Variants in CHD8 observed in about 807,000 individuals in gnomAD.
CHD8 encodes the protein ATP-dependent chromatin remodeler CHD8.
Under a neutral mutation model 279.2 loss-of-function variants are expected in CHD8, and 31 were observed. That is an observed-to-expected ratio of 0.11 (90% confidence interval 0.08 to 0.15). The LOEUF (loss-of-function observed/expected upper bound fraction) is 0.15. Among genes scored for constraint, CHD8 ranks in the 10% least tolerant of loss-of-function variants. CHD8 has a pLI of 1.00. For missense variants in CHD8, 2,146 were observed against 3,230.5 expected (o/e 0.66, Z 8.14); for synonymous variants, 1,081 against 1,139.6 (o/e 0.95, Z 1.04).
intron 1 of CHD8, among the ~76,000 whole-genome samples, chr14:21,441,746 G>A (rs932765316): frequency 1.1e-4 from 17 of 152,062 alleles, no homozygotes; most frequent in South Asian, 2.1e-4. Flanking sequence ...AAAATTAGCT[G>A]GGCGTGGTGG....
rs1887847251 is a variant in CHD8 at position 21,397,639 on chromosome 14, G to T, written c.5051+184C>A. The stretch of plus-strand genomic sequence containing the variant: ...CAAGTGACATTCATTTTCACCCTCA[G>T]ATGTATCTTATGGCAACATGTGGTT... On this transcript the variant is annotated intron_variant, in intron 27 of 37. Transcript: ENST00000646647. 1.9e-5 allele frequency: 11 copies of T among 579,454 alleles called. No homozygotes were observed. The South Asian group carries it at 2.2e-4, about 12-fold the overall frequency. 35.9% of individuals were successfully genotyped at this position (579,454 alleles called of 1,614,324 possible).
intron 28 of CHD8, 68 bp downstream of exon 28, chr14:21,395,749 G>A: frequency 1.1e-6 from 1 of 889,838 alleles, no homozygotes; most frequent in Non-Finnish European, 1.8e-6. Flanking sequence ...TCAAGATTCA[G>A]AGAATGGTTG....
At chr14:21,390,910 T>C (rs1207154972) in intron 37 of CHD8, 37 bp downstream of exon 37, 2 of 955,444 alleles carry the variant, frequency 2.1e-6, no homozygotes, top group African/African-American at 1.7e-5. Context: ...TCACATCTAG[T>C]GTGGGAATAG....
rs1345915553 is a variant in CHD8, at chr14:21,395,323, C to G, written c.5157G>C (p.Glu1719Asp). The G allele has an allele frequency of 6.2e-7, 1 of 1,608,818 alleles. No individual in the cohort carries two copies. The highest frequency in any genetic ancestry group is 8.5e-7 in the Non-Finnish European group (1 of 1,176,882). ...CTTCATCTCCATCAATCACTGAGAT[C>G]TCCTCATCCATCATCATCAAGGGAT... Reference protein sequence around the residue: ...EGDPLMMMDEEISVIDGDEAQ... With the variant: ...EGDPLMMMDEDISVIDGDEAQ... The change falls in exon 29 of 38, where the codon GAG becomes GAC. Residue 1719 changes from glutamate to aspartate, a missense_variant. Glu to Asp is a conservative substitution (Grantham distance 45). Around this residue, in one of 26 missense-constraint regions of CHD8, gnomAD observed 75 missense variants for 81.3 expected, o/e 0.92. Transcript: ENST00000646647.
At chr14:21,439,482 T>G (rs904332593) in intron 1 of CHD8, among the ~76,000 whole-genome samples, 1 of 152,212 alleles carries the variant, frequency 6.6e-6, no homozygotes, top group East Asian at 1.9e-4. Flanking sequence ...CTTCTTAGTG[T>G]ATAGATGAGA....
At chr14:21,433,554 G>A (rs542470973) in intron 1 of CHD8, among the ~76,000 whole-genome samples, 7 of 152,246 alleles carry the variant, frequency 4.6e-5, no homozygotes, top group Admixed American at 3.9e-4. Context: ...CCCATGCTAT[G>A]TTTTTTCCTT....
chr14:21,429,416 G>T, intron 2 of CHD8, 81 bp from the exon 3 acceptor site: 2 of 1,406,264 alleles, frequency 1.4e-6, no homozygotes, highest in Non-Finnish European at 2.0e-6. Context: ...TTTTCTTCAT[G>T]CTAGAATCAT....
In CHD8 at chr14:21,403,077, A is replaced by C. The variant is rs764030710; in HGVS notation, c.3654T>G (p.Leu1218=). Residue 1218 remains leucine, a synonymous_variant, in exon 18 of 38, where the codon CTT becomes CTG. Transcript: ENST00000646647. The surrounding 1 kb of genome is among the most constrained non-coding windows in gnomAD (Gnocchi z 4.3). ...AGATGATGCAGGTATCAGCAGCTGT[A>C]AGATTAATACCAAGTCCACCAGCCC... ...CTRAGGLGIN[L]TAADTCIIFD... 1 of 1,614,106 alleles carries C rather than the reference A, an allele frequency of 6.2e-7. No individual in the cohort carries two copies. Among genetic ancestry groups the C allele is most frequent in the Admixed American group, 1.7e-5 (1 of 60,026 alleles).
At position 21,427,779 on chromosome 14, in the gene CHD8, C is replaced by A. The variant is rs559580135; in HGVS notation, c.1601+90G>T. 5.1e-5 allele frequency: 78 copies of A among 1,528,986 alleles called. No homozygotes were observed. The African/African-American group carries it at 1.2e-3, about 23-fold the overall frequency. The allele number at this position is 1,528,986 out of a possible 1,614,324, so 94.7% of individuals were successfully genotyped here. ...TTGTTTTGGAGGTACCAGATGTTTG[C>A]TCTGCCCTCAAATGTACCATCCCAA... On this transcript the variant is annotated intron_variant, in intron 4 of 37. Transcript: ENST00000646647.
intron 1 of CHD8, among the ~76,000 whole-genome samples, chr14:21,443,531 T>G (rs1890037178): frequency 6.6e-6 from 1 of 151,778 alleles, no homozygotes; most frequent in South Asian, 2.1e-4. Context: ...TGATCAATTA[T>G]ATCAAACAAA....
intron 20 of CHD8, 43 bp downstream of exon 20, chr14:21,401,914 C>A (rs760059447): frequency 2.0e-6 from 3 of 1,516,026 alleles, no homozygotes; most frequent in African/African-American, 1.4e-5. Flanking sequence ...CTAGAGATTC[C>A]GGTCTCTGTG....
At chr14:21,417,992 TA>T (rs1888820992) in intron 5 of CHD8, among the ~76,000 whole-genome samples, 1 of 151,256 alleles carries the variant, frequency 6.6e-6, no homozygotes, top group African/African-American at 2.4e-5. Flanking sequence ...ACTGGTGAAG[TA>T]TAAAATAACA....
chr14:21,407,325 T>C (rs1888294049), intron 13 of CHD8, among the ~76,000 whole-genome samples: 2 of 152,158 alleles, frequency 1.3e-5, no homozygotes, highest in Admixed American at 1.3e-4. Flanking sequence ...CCCAGATCTT[T>C]TGTTGATTAA....
intron 27 of CHD8, chr14:21,397,569 G>T: frequency 2.4e-6 from 1 of 423,910 alleles, no homozygotes; most frequent in South Asian, 2.1e-5. Flanking sequence ...CTGTACAGAA[G>T]AGTGTTGTAA....
At chr14:21,442,347 C>T (rs1444101485) in intron 1 of CHD8, among the ~76,000 whole-genome samples, 1 of 152,074 alleles carries the variant, frequency 6.6e-6, no homozygotes. Context: ...GGCCTATAGA[C>T]CCAGCTGCTT....
chr14:21,433,089 G>A (rs2139544395), intron 1 of CHD8, among the ~76,000 whole-genome samples: 1 of 152,324 alleles, frequency 6.6e-6, no homozygotes. Flanking sequence ...TTATTTATCT[G>A]TGGATCCCCT....
In CHD8 at chr14:21,410,082, A is replaced by G. The variant is rs1328760632; in HGVS notation, c.2227-94T>C. On this transcript the variant is annotated intron_variant, in intron 10 of 37. Coordinates refer to ENST00000646647, the MANE Select transcript of CHD8 (RefSeq NM_001170629.2). Reference sequence around the variant, plus strand: ...ATTTGATTGTAAAATCAGATCACAAAGTATCAGTACCTAGAAGCCGTTGAA... The same window carrying G: ...ATTTGATTGTAAAATCAGATCACAAGGTATCAGTACCTAGAAGCCGTTGAA... 4.0e-6 allele frequency: 5 copies of G among 1,252,730 alleles called. No homozygotes were observed. In the Admixed American group the frequency reaches 1.4e-4, roughly 34 times the overall value. 77.6% of individuals were successfully genotyped at this position (1,252,730 alleles called of 1,614,324 possible). A position where few individuals can be genotyped will look rare whatever the true frequency, so the allele number is the denominator to read the frequency against.
At position 21,451,842 on chromosome 14, in the gene CHD8, A is replaced by C. The variant is rs545218975; in HGVS notation, c.-216+4190T>G. Among the ~76,000 whole-genome samples, 6 of 152,288 alleles carry C rather than the reference A, an allele frequency of 3.9e-5. No individual in the cohort carries two copies. The South Asian group carries it at 1.2e-3, about 32-fold the overall frequency. On this transcript the variant is annotated intron_variant, in intron 1 of 37. Coordinates refer to ENST00000646647, the MANE Select transcript of CHD8 (RefSeq NM_001170629.2). ...AGGGCAAAAGAAATGTTACCTAGAG[A>C]ACAGCTTAATGAGAAACGTCAGAGA...
chr14:21,430,075 C>T (rs1208404774), intron 2 of CHD8: 1 of 153,106 alleles, frequency 6.5e-6, no homozygotes, highest in African/African-American at 2.4e-5. Flanking sequence ...AAATCTGCCT[C>T]CTTGTAGCTT....
Sources: allele counts gnomAD v4.1 joint callset (sites outside exome capture counted in the v4.1 genomes callset), GRCh38; gene constraint gnomAD v4.1.1; regional missense constraint gnomAD v4.1.1; non-coding constraint Gnocchi (gnomAD v3.1); transcripts MANE v1.5; gene names NCBI Gene and HGNC (gene_info 2026-07-23, HGNC 2026-07-21).